BBS9: variants seen among roughly 807,000 people sequenced by gnomAD.
BBS9 encodes Bardet-Biedl syndrome 9, also known as protein PTHB1.
BBS9 carries 89 observed loss-of-function variants against 117.7 expected under a neutral mutation model. The observed-to-expected ratio is 0.76, with a 90% CI of 0.64 to 0.90. The LOEUF (loss-of-function observed/expected upper bound fraction) is 0.90, where lower values mean the gene tolerates loss of function less well. Among genes scored for constraint, BBS9 ranks in the 40% least tolerant of loss-of-function variants. The pLI is 0.00. For synonymous variants in BBS9, 379 were observed against 370.9 expected, an observed-to-expected ratio of 1.02 and a Z score of -0.25; for missense variants, 982 against 1,042.2, an observed-to-expected ratio of 0.94 and a Z score of 0.80.
At chr7:33,292,048 A>G (rs1185140926) in intron 9 of BBS9, among the ~76,000 whole-genome samples, 1 of 152,024 alleles carries the variant, frequency 6.6e-6, no homozygotes, top group Non-Finnish European at 1.5e-5. Flanking sequence ...CAATGAGTTG[A>G]TTTTCAGTGA....
rs144672900 is a variant in BBS9 at position 33,505,558 on chromosome 7, G to A, written c.2211G>A (p.Leu737=). Residue 737 remains leucine (L), a synonymous_variant, in exon 20 of 23, where the codon CTG becomes CTA. Coordinates refer to ENST00000242067, the MANE Select transcript of BBS9 (RefSeq NM_198428.3). ...LKSATHLVIL[L]IALWQKLSAD... is the part of the protein sequence containing the mutation. ...GTGCCACCCATTTGGTGATTCTGCT[G>A]ATCGCGCTGTGGCAGAAGCTTAGTG... is the stretch of plus-strand genomic sequence containing the variant. The A allele has an allele frequency of 3.8e-4, 618 of 1,614,028 alleles. No homozygotes were observed. Among genetic ancestry groups the A allele is most frequent in the Non-Finnish European group, 4.8e-4 (567 of 1,180,000 alleles).
At position 33,351,200 on chromosome 7, in the gene BBS9, A is replaced by T. The variant is rs779829564; in HGVS notation, c.1433-19A>T. On this transcript the variant is annotated intron_variant, in intron 13 of 22. Transcript: ENST00000242067. The stretch of plus-strand genomic sequence containing the variant: ...TGCCCCAAATTATGTAATTTATATT[A>T]TTTTTACATTGCTTATAGCACCAGA... 1.3e-6 allele frequency: 2 copies of T among 1,517,538 alleles called. No individual in the cohort carries two copies. The highest frequency in any genetic ancestry group is 1.8e-6 in the Non-Finnish European group (2 of 1,092,810). 94.0% of individuals were successfully genotyped at this position (1,517,538 alleles called of 1,614,324 possible).
At chr7:33,180,686 T>C (rs1372696800) in intron 5 of BBS9, among the ~76,000 whole-genome samples, 1 of 152,142 alleles carries the variant, frequency 6.6e-6, no homozygotes, top group African/African-American at 2.4e-5. Flanking sequence ...GTTCTTCTTT[T>C]CGGCACCGAG....
At position 33,605,517 on chromosome 7, in the gene BBS9, G is replaced by A; in HGVS notation, c.*291G>A. On this transcript the variant is annotated 3_prime_UTR_variant, in exon 23 of 23. Transcript: ENST00000242067. ...AATACAGTGAAATGACATAGTTTTG[G>A]GTTAGATTTTATAATGCAAAGATTC... is the stretch of plus-strand genomic sequence containing the variant. 2.4e-6 allele frequency: 1 copy of A among 419,652 alleles called. No homozygotes were observed. The highest frequency in any genetic ancestry group is 4.3e-6 in the Non-Finnish European group (1 of 231,374). 26.0% of individuals were successfully genotyped at this position (419,652 alleles called of 1,614,324 possible).
chr7:33,196,216 C>T (rs58863926), intron 5 of BBS9, among the ~76,000 whole-genome samples: 42,658 of 151,914 alleles, frequency 0.28, 6,154 homozygotes, highest in Non-Finnish European at 0.32. Flanking sequence ...AAAAAAAAAG[C>T]ATCCTTCCCA....
At chr7:33,164,600 CT>C (rs1795373440) in intron 4 of BBS9, among the ~76,000 whole-genome samples, 1 of 152,098 alleles carries the variant, frequency 6.6e-6, no homozygotes, top group Non-Finnish European at 1.5e-5. Context: ...TTCTTTGTCT[CT>C]TTTGATCTTT....
At chr7:33,515,604 G>T (rs1847640085) in intron 20 of BBS9, among the ~76,000 whole-genome samples, 1 of 152,192 alleles carries the variant, frequency 6.6e-6, no homozygotes, top group South Asian at 2.1e-4. Context: ...TAGGCAAATT[G>T]ATGTTTAATG....
At chr7:33,348,216 A>G (rs1022062544) in intron 12 of BBS9, among the ~76,000 whole-genome samples, 2 of 152,116 alleles carry the variant, frequency 1.3e-5, no homozygotes, top group Admixed American at 1.3e-4. Flanking sequence ...TGCCTATTCT[A>G]TACATTTCAT....
At chr7:33,228,643 TA>T (rs1422708201) in intron 5 of BBS9, among the ~76,000 whole-genome samples, 2 of 152,182 alleles carry the variant, frequency 1.3e-5, no homozygotes, top group Non-Finnish European at 2.9e-5. Flanking sequence ...TTTTCTATGT[TA>T]TTTGTGTTTT....
chr7:33,157,096 T>G (rs1026602380), intron 4 of BBS9, among the ~76,000 whole-genome samples: 12 of 152,152 alleles, frequency 7.9e-5, no homozygotes, highest in Non-Finnish European at 2.9e-5. Context: ...ATGGGGGCTC[T>G]AAGCAGGGCA....
At chr7:33,319,571 T>C (rs1811253399) in intron 9 of BBS9, among the ~76,000 whole-genome samples, 1 of 152,220 alleles carries the variant, frequency 6.6e-6, no homozygotes, top group Non-Finnish European at 1.5e-5. Context: ...TTTTTTATTA[T>C]GACCATTTTT....
intron 16 of BBS9, among the ~76,000 whole-genome samples, chr7:33,365,809 C>T (rs372381032): frequency 1.4e-4 from 22 of 152,292 alleles, no homozygotes; most frequent in Non-Finnish European, 2.5e-4. Context: ...CCGGGGAGCC[C>T]GAGATGGGAG....
chr7:33,501,349 T>C (rs951544780), intron 19 of BBS9, among the ~76,000 whole-genome samples: 1 of 152,250 alleles, frequency 6.6e-6, no homozygotes, highest in Non-Finnish European at 1.5e-5. Flanking sequence ...TATTTCATGC[T>C]GGCCAGTAGG....
intron 21 of BBS9, among the ~76,000 whole-genome samples, chr7:33,565,802 T>C (rs1856779126): frequency 1.1e-4 from 5 of 44,478 alleles, no homozygotes; most frequent in African/African-American, 1.7e-4. Context: ...TATATATATA[T>C]ATATATATAT....
chr7:33,414,959 A>C (rs1296068781), intron 19 of BBS9, among the ~76,000 whole-genome samples: 1 of 152,162 alleles, frequency 6.6e-6, no homozygotes, highest in Admixed American at 6.5e-5. Flanking sequence ...TTGAAATCAC[A>C]ACTTCAAATT....
intron 19 of BBS9, among the ~76,000 whole-genome samples, chr7:33,501,113 C>T (rs62451225): frequency 0.19 from 28,947 of 152,156 alleles, 3,519 homozygotes; most frequent in Admixed American, 0.35. Flanking sequence ...AAAAATCGCT[C>T]TCCCTCAAAT....
At chr7:33,610,768 G>C (rs1438773340), downstream of BBS9, among the ~76,000 whole-genome samples, 3 of 152,024 alleles carry the variant, frequency 2.0e-5, no homozygotes, top group Non-Finnish European at 2.9e-5. Context: ...CCTCGACCTA[G>C]CTTTGGGCTC....
intron 5 of BBS9, among the ~76,000 whole-genome samples, chr7:33,256,724 G>T (rs1222862330): frequency 6.6e-6 from 1 of 152,032 alleles, no homozygotes; most frequent in Non-Finnish European, 1.5e-5. Context: ...AGATGACAAG[G>T]TACAAGATTG....
intron 19 of BBS9, among the ~76,000 whole-genome samples, chr7:33,439,949 CCTTAG>C (rs1442753115): frequency 1.3e-5 from 2 of 152,168 alleles, no homozygotes; most frequent in African/African-American, 4.8e-5. Context: ...AGTGAGTCAA[CCTTAG>C]TGTTTGGGTT....
Sources: gnomAD v4.1 joint callset for allele counts (sites outside exome capture counted in the v4.1 genomes callset) on GRCh38, gnomAD v4.1.1 for gene constraint, MANE v1.5 for transcripts, NCBI Gene and HGNC (gene_info 2026-07-23, HGNC 2026-07-21) for gene names.